FAT3: variants seen among roughly 807,000 people sequenced by gnomAD.
FAT3 encodes the protein FAT atypical cadherin 3.
FAT3 carries 95 observed loss-of-function variants against 310.2 expected under a neutral mutation model. The observed-to-expected ratio is 0.31, with a 90% confidence interval of 0.26 to 0.36. The LOEUF is 0.36. Ranked by LOEUF, FAT3 falls within the 10% of genes least tolerant of loss-of-function variation. The pLI, the probability that FAT3 is intolerant of heterozygous loss-of-function variation, is 1.00. For synonymous variants in FAT3, 2,314 were observed against 2,192.9 expected, an observed-to-expected ratio of 1.06 and a Z score of -1.54; for missense variants, 5,408 against 5,715.6, an observed-to-expected ratio of 0.95 and a Z score of 1.74.
At chr11:92,385,215 G>A (rs1441659081) in intron 2 of FAT3, among the ~76,000 whole-genome samples, 1 of 152,120 alleles carries the variant, frequency 6.6e-6, no homozygotes, top group Non-Finnish European at 1.5e-5. Context: ...GACCTTTTAA[G>A]CATTTAAATT....
intron 1 of FAT3, among the ~76,000 whole-genome samples, chr11:92,225,987 G>A (rs868367904): frequency 1.3e-4 from 20 of 152,176 alleles, no homozygotes; most frequent in Non-Finnish European, 2.2e-4. Context: ...GGAGTGCGGA[G>A]GAGCTGTCTC....
chr11:92,875,005 T>A (rs556437413), intron 22 of FAT3, among the ~76,000 whole-genome samples: 4 of 152,222 alleles, frequency 2.6e-5, no homozygotes, highest in African/African-American at 9.6e-5. Context: ...TTATGGCTAC[T>A]AATGAATGAT....
intron 4 of FAT3, among the ~76,000 whole-genome samples, chr11:92,720,510 T>A (rs1315819074): frequency 1.3e-5 from 2 of 152,218 alleles, no homozygotes; most frequent in South Asian, 4.1e-4. Flanking sequence ...CAGTTGGAGA[T>A]GTGCTTTCAT....
intron 3 of FAT3, among the ~76,000 whole-genome samples, chr11:92,587,578 T>G (rs554533530): frequency 6.6e-6 from 1 of 152,164 alleles, no homozygotes; most frequent in Admixed American, 6.6e-5. Context: ...TGTAGCATAT[T>G]TAGCATAACA....
At chr11:92,839,411 G>A (rs185928607) in intron 17 of FAT3, among the ~76,000 whole-genome samples, 19 of 152,320 alleles carry the variant, frequency 1.2e-4, no homozygotes, top group East Asian at 3.9e-4. Context: ...GTGGTCCCAC[G>A]ACTGATTCCA....
chr11:92,567,564 C>G (rs1265595807), intron 3 of FAT3, among the ~76,000 whole-genome samples: 1 of 151,710 alleles, frequency 6.6e-6, no homozygotes, highest in Non-Finnish European at 1.5e-5. Flanking sequence ...ATAGATCATG[C>G]TGCTATAAAG....
intron 7 of FAT3, among the ~76,000 whole-genome samples, chr11:92,781,488 C>T (rs1049496563): frequency 3.3e-5 from 5 of 152,166 alleles, no homozygotes; most frequent in African/African-American, 1.2e-4. Context: ...CTTAGGTATA[C>T]ATAGGTAAAG....
At chr11:92,805,121 C>A (rs2136198265) in intron 10 of FAT3, 32 bp from the exon 11 acceptor site, 2 of 1,595,914 alleles carry the variant, frequency 1.3e-6, no homozygotes, top group Non-Finnish European at 8.5e-7. Flanking sequence ...CATTGCACAT[C>A]TTCAAAAGCT....
At chr11:92,269,144 A>G (rs995138998) in intron 1 of FAT3, among the ~76,000 whole-genome samples, 1 of 152,188 alleles carries the variant, frequency 6.6e-6, no homozygotes, top group African/African-American at 2.4e-5. Flanking sequence ...TAGAAGATTC[A>G]TTAGACTGAA....
In FAT3 at chr11:92,731,646, G is replaced by A. The variant is rs75699183; in HGVS notation, c.3670-30210G>A. On this transcript the variant is annotated intron_variant, in intron 4 of 27. Coordinates refer to ENST00000525166, the MANE Select transcript of FAT3 (RefSeq NM_001367949.2). ...ATCTAAAGTCTAGGATAATGATAGT[G>A]TCTTACTCTCTGGTGGCTGAAGGAT... Among the ~76,000 whole-genome samples the A allele has an allele frequency of 7.2e-5, 11 of 151,766 alleles. No homozygotes were observed. In the South Asian group the frequency reaches 1.2e-3, roughly 17 times the overall value.
intron 1 of FAT3, among the ~76,000 whole-genome samples, chr11:92,310,749 C>A (rs940791757): frequency 1.3e-5 from 2 of 151,552 alleles, no homozygotes; most frequent in African/African-American, 4.8e-5. Flanking sequence ...TGAAAATAAC[C>A]TTTTTAAAGT....
At chr11:92,551,652 G>T (rs532091523) in intron 3 of FAT3, among the ~76,000 whole-genome samples, 3 of 151,972 alleles carry the variant, frequency 2.0e-5, no homozygotes, top group Non-Finnish European at 4.4e-5. Flanking sequence ...AGCTGTACTT[G>T]GTTATGTTAT....
intron 2 of FAT3, among the ~76,000 whole-genome samples, chr11:92,429,991 T>C (rs1950730111): frequency 6.6e-6 from 1 of 152,214 alleles, no homozygotes; most frequent in Non-Finnish European, 1.5e-5. Context: ...GGTTCCATTC[T>C]CCCCATCACT....
chr11:92,697,815 G>C (rs1394787812), intron 4 of FAT3, among the ~76,000 whole-genome samples: 1 of 152,154 alleles, frequency 6.6e-6, no homozygotes, highest in Non-Finnish European at 1.5e-5. Context: ...TTATGAGGAA[G>C]CTTTGCTTTC....
At chr11:92,503,407 A>G (rs1002157231) in intron 2 of FAT3, among the ~76,000 whole-genome samples, 6 of 152,116 alleles carry the variant, frequency 3.9e-5, no homozygotes, top group African/African-American at 1.4e-4. Context: ...AGTGTTTACT[A>G]TCATTAGTAT....
chr11:92,235,305 C>T (rs532040337), intron 1 of FAT3, among the ~76,000 whole-genome samples: 27 of 152,256 alleles, frequency 1.8e-4, no homozygotes, highest in Admixed American at 1.0e-3. Flanking sequence ...CCTGTAGTCA[C>T]TGGTTGCAGC....
At chr11:92,284,597 T>C (rs1443141321) in intron 1 of FAT3, among the ~76,000 whole-genome samples, 3 of 152,124 alleles carry the variant, frequency 2.0e-5, no homozygotes, top group African/African-American at 7.2e-5. Flanking sequence ...CCTCAGGTTC[T>C]TGCATGTTGA....
At chr11:92,710,777 T>C (rs554303868) in intron 4 of FAT3, among the ~76,000 whole-genome samples, 5 of 152,332 alleles carry the variant, frequency 3.3e-5, no homozygotes, top group African/African-American at 1.2e-4. Flanking sequence ...AAAATGATGC[T>C]TCCAGAAGCA....
chr11:92,237,611 G>A (rs1479713373), intron 1 of FAT3, among the ~76,000 whole-genome samples: 7 of 152,068 alleles, frequency 4.6e-5, no homozygotes, highest in African/African-American at 1.4e-4. Flanking sequence ...TCTTCCAAAC[G>A]AGAAGGCTTT....
Sources: gnomAD v4.1 joint callset for allele counts (sites outside exome capture counted in the v4.1 genomes callset) on GRCh38, gnomAD v4.1.1 for gene constraint, MANE v1.5 for transcripts, NCBI Gene and HGNC (gene_info 2026-07-23, HGNC 2026-07-21) for gene names.